The following NKAIN3 variants were observed in gnomAD, a reference collection of about 807,000 sequenced individuals.
The protein encoded by NKAIN3 is sodium/potassium transporting ATPase interacting 3, also known as sodium/potassium-transporting ATPase subunit beta-1-interacting protein 3.
In NKAIN3, 25 loss-of-function variants were observed where a neutral mutation model predicts 30.2. The ratio of observed to expected loss-of-function variants is 0.83; its 90% confidence interval spans 0.60 to 1.16. The LOEUF is 1.16. Among genes scored for constraint, NKAIN3 ranks in the 50% most tolerant of loss-of-function variants. NKAIN3 has a pLI of 0.00. For synonymous variants in NKAIN3, 91 were observed against 89.6 expected, an observed-to-expected ratio of 1.02 and a Z score of -0.09; for missense variants, 225 against 254.1, an observed-to-expected ratio of 0.89 and a Z score of 0.78.
At chr8:62,327,798 AT>A (rs1297965856) in intron 1 of NKAIN3, among the ~76,000 whole-genome samples, 1 of 151,902 alleles carries the variant, frequency 6.6e-6, no homozygotes, top group Non-Finnish European at 1.5e-5. Context: ...ATGAATTTTA[AT>A]TTCTATTTCT....
chr8:62,677,525 G>A (rs936749551), intron 3 of NKAIN3, among the ~76,000 whole-genome samples: 10 of 152,194 alleles, frequency 6.6e-5, no homozygotes, highest in African/African-American at 2.4e-4. Context: ...CAAGGCCATG[G>A]GAGGCTCATT....
chr8:62,943,775 G>A (rs1823043191), intron 5 of NKAIN3, among the ~76,000 whole-genome samples: 1 of 145,034 alleles, frequency 6.9e-6, no homozygotes, highest in South Asian at 2.2e-4. Context: ...TATTATATAT[G>A]GTATAATATA....
chr8:62,708,703 T>C (rs150941229), intron 3 of NKAIN3, among the ~76,000 whole-genome samples: 48 of 152,308 alleles, frequency 3.2e-4, no homozygotes, highest in African/African-American at 9.6e-4. Context: ...CCAATTTGGA[T>C]GCCTTTTATT....
intron 1 of NKAIN3, among the ~76,000 whole-genome samples, chr8:62,531,324 C>T (rs1412858841): frequency 6.6e-6 from 1 of 152,162 alleles, no homozygotes; most frequent in African/African-American, 2.4e-5. Flanking sequence ...GTGAAAACCC[C>T]ACACTCTACT....
intron 1 of NKAIN3, among the ~76,000 whole-genome samples, chr8:62,364,828 C>CAAAAAAAAAAAAAAAAAA (rs58784999): frequency 3.1e-5 from 2 of 63,764 alleles, no homozygotes; most frequent in Admixed American, 2.8e-4. Flanking sequence ...GACTCCACTA[C>CAAAAAAAAAAAAAAAAAA]AAAAAAAAAA....
intron 1 of NKAIN3, among the ~76,000 whole-genome samples, chr8:62,533,365 C>T (rs1808547040): frequency 6.6e-6 from 1 of 152,204 alleles, no homozygotes; most frequent in Non-Finnish European, 1.5e-5. Context: ...TGCAGTGGAA[C>T]AAACTGTAGA....
chr8:62,499,455 C>G (rs1020878937), intron 1 of NKAIN3, among the ~76,000 whole-genome samples: 1 of 152,062 alleles, frequency 6.6e-6, no homozygotes, highest in African/African-American at 2.4e-5. Flanking sequence ...TTCCCAAAAC[C>G]AACTTTGCAA....
intron 5 of NKAIN3, among the ~76,000 whole-genome samples, chr8:62,995,142 A>G (rs1324908722): frequency 2.0e-5 from 3 of 152,236 alleles, no homozygotes; most frequent in Non-Finnish European, 4.4e-5. Flanking sequence ...AAATAGCTCT[A>G]CAGATGCTTA....
intron 4 of NKAIN3, among the ~76,000 whole-genome samples, chr8:62,839,046 G>A (rs1000299303): frequency 6.6e-6 from 1 of 151,694 alleles, no homozygotes; most frequent in Non-Finnish European, 1.5e-5. Flanking sequence ...ACCTCCCTTC[G>A]TACACACACC....
chr8:62,414,201 T>C (rs1378597436), intron 1 of NKAIN3, among the ~76,000 whole-genome samples: 1 of 152,198 alleles, frequency 6.6e-6, no homozygotes, highest in Non-Finnish European at 1.5e-5. Context: ...ACAGACTATA[T>C]TTACCATAGA....
At position 62,627,123 on chromosome 8, in the gene NKAIN3, G is replaced by A. The variant is rs755729986; in HGVS notation, c.273+37329G>A. Among the ~76,000 whole-genome samples, 4 of 152,126 alleles carry A rather than the reference G, an allele frequency of 2.6e-5. No homozygotes were observed. In the South Asian group the frequency reaches 6.2e-4, roughly 24 times the overall value. On this transcript the variant is annotated intron_variant, in intron 3 of 6. Transcript: ENST00000623646. Reference sequence around the variant, plus strand: ...GATATAATGGACAGAATACACAATCGTGAATGAGAAGTTCGGTGTTCAAGT... The same window carrying A: ...GATATAATGGACAGAATACACAATCATGAATGAGAAGTTCGGTGTTCAAGT...
At chr8:62,325,672 A>C (rs189884523) in intron 1 of NKAIN3, among the ~76,000 whole-genome samples, 7 of 152,212 alleles carry the variant, frequency 4.6e-5, no homozygotes, top group African/African-American at 1.7e-4. Context: ...AATTATGGTC[A>C]TTCTTACAGG....
intron 4 of NKAIN3, among the ~76,000 whole-genome samples, chr8:62,905,358 A>T (rs952817085): frequency 3.9e-5 from 6 of 152,308 alleles, no homozygotes; most frequent in African/African-American, 1.4e-4. Flanking sequence ...ATGCATTTGC[A>T]CCAGTGAAAC....
In NKAIN3 at chr8:62,575,468, C is replaced by T. The variant is rs367783099; in HGVS notation, c.55-4071C>T. 9.9e-5 allele frequency among the ~76,000 whole-genome samples: 15 copies of T among 152,096 alleles called. No homozygotes were observed. In the East Asian group the frequency reaches 2.5e-3, roughly 25 times the overall value. On this transcript the variant is annotated intron_variant, in intron 1 of 6. Coordinates refer to ENST00000623646, the MANE Select transcript of NKAIN3 (RefSeq NM_001304533.3). Reference sequence around the variant, plus strand: ...ATTGATGAAAGAAATTTTAAGAGGACACCAAAAAATGGAAAGATATTCCAT... The same window carrying T: ...ATTGATGAAAGAAATTTTAAGAGGATACCAAAAAATGGAAAGATATTCCAT...
intron 1 of NKAIN3, among the ~76,000 whole-genome samples, chr8:62,351,209 T>C (rs1240751131): frequency 6.7e-6 from 1 of 149,998 alleles, no homozygotes; most frequent in Non-Finnish European, 1.5e-5. Flanking sequence ...TGTCTACAGA[T>C]ATCAAAATCC....
chr8:62,744,931 G>T (rs1816020690), intron 3 of NKAIN3, among the ~76,000 whole-genome samples: 1 of 152,154 alleles, frequency 6.6e-6, no homozygotes, highest in African/African-American at 2.4e-5. Context: ...GATATAATTT[G>T]AGGCATACTT....
intron 1 of NKAIN3, among the ~76,000 whole-genome samples, chr8:62,570,138 G>A (rs1809886372): frequency 1.3e-5 from 2 of 152,190 alleles, no homozygotes; most frequent in South Asian, 4.1e-4. Flanking sequence ...TCCTTATTGT[G>A]AAGTTGAATC....
At chr8:62,642,098 A>G (rs1812327311) in intron 3 of NKAIN3, among the ~76,000 whole-genome samples, 1 of 152,082 alleles carries the variant, frequency 6.6e-6, no homozygotes, top group Non-Finnish European at 1.5e-5. Flanking sequence ...AAGATAATAC[A>G]TGTTTTTTAT....
chr8:62,881,471 C>T (rs553090861), intron 4 of NKAIN3, among the ~76,000 whole-genome samples: 6 of 152,246 alleles, frequency 3.9e-5, no homozygotes, highest in African/African-American at 1.4e-4. Context: ...CAAGATTTGG[C>T]ATAAAACTAC....
Sources: allele counts gnomAD v4.1 joint callset (sites outside exome capture counted in the v4.1 genomes callset), GRCh38; gene constraint gnomAD v4.1.1; transcripts MANE v1.5; gene names NCBI Gene and HGNC (gene_info 2026-07-23, HGNC 2026-07-21).